The following RNF130 variants were observed in gnomAD, a reference collection of about 807,000 sequenced individuals.
The protein encoded by RNF130 is ring finger protein 130.
A neutral mutation model predicts 44.6 loss-of-function variants in RNF130; 21 were observed. That is an observed-to-expected ratio of 0.47 (90% confidence interval 0.33 to 0.68). RNF130 has a LOEUF of 0.68. Among genes scored for constraint, RNF130 ranks in the 30% least tolerant of loss-of-function variants. The probability of loss-of-function intolerance (pLI) is 0.02; values close to 1 mark genes in which losing one functional copy is unlikely to be tolerated. For missense variants in RNF130, 479 were observed against 560.6 expected (o/e 0.85, Z 1.47); for synonymous variants, 214 against 210.4 (o/e 1.02, Z -0.15).
At chr5:179,983,204 T>C (rs1762877899) in intron 3 of RNF130, among the ~76,000 whole-genome samples, 1 of 152,214 alleles carries the variant, frequency 6.6e-6, no homozygotes, top group African/African-American at 2.4e-5. Flanking sequence ...TCTAGTATCA[T>C]ATTAAGGAAG....
intron 3 of RNF130, among the ~76,000 whole-genome samples, chr5:180,002,371 G>A (rs1763363578): frequency 6.6e-6 from 1 of 152,210 alleles, no homozygotes; most frequent in African/African-American, 2.4e-5. Context: ...CTGTGCTGGG[G>A]TGGTTTGGTG....
chr5:179,991,860 G>T (rs1399939935), intron 3 of RNF130, among the ~76,000 whole-genome samples: 1 of 152,102 alleles, frequency 6.6e-6, no homozygotes, highest in East Asian at 1.9e-4. Context: ...GGTCCCATCT[G>T]GGAGAGATGG....
intron 2 of RNF130, among the ~76,000 whole-genome samples, chr5:180,036,609 G>A (rs1244298752): frequency 6.6e-6 from 1 of 152,172 alleles, no homozygotes; most frequent in Non-Finnish European, 1.5e-5. Flanking sequence ...TTAATATCCA[G>A]AACACTGAAA....
intron 2 of RNF130, 115 bp from the exon 3 acceptor site, chr5:180,013,426 G>T: frequency 1.1e-6 from 1 of 905,496 alleles, no homozygotes; most frequent in Non-Finnish European, 1.6e-6. Flanking sequence ...GAAAGGGTAT[G>T]CAAACTCCAC....
chr5:179,929,071 A>AT (rs1008952668), intron 7 of RNF130, among the ~76,000 whole-genome samples: 1 of 152,036 alleles, frequency 6.6e-6, no homozygotes, highest in African/African-American at 2.4e-5. Context: ...ATTTTATCTT[A>AT]TTTTTTAGAA....
chr5:180,045,483 T>C (rs1361822882), intron 1 of RNF130, among the ~76,000 whole-genome samples: 3 of 152,188 alleles, frequency 2.0e-5, no homozygotes, highest in African/African-American at 4.8e-5. Flanking sequence ...GCAAGATTTA[T>C]CTCAAACAGG....
In RNF130 at chr5:180,010,027, C is replaced by G. The variant is rs574992778; in HGVS notation, c.693+3034G>C. On this transcript the variant is annotated intron_variant, in intron 3 of 8. Transcript: ENST00000521389. ...CTTTGGGAGGCTGAGGTGGGCGGAT[C>G]ACAAGGTCAGGAGATCGAGACCATC... 7.2e-5 allele frequency among the ~76,000 whole-genome samples: 11 copies of G among 152,166 alleles called. No homozygotes were observed. The South Asian group carries it at 2.3e-3, about 32-fold the overall frequency.
chr5:180,052,350 A>G (rs1181825475), intron 1 of RNF130, among the ~76,000 whole-genome samples: 1 of 152,194 alleles, frequency 6.6e-6, no homozygotes, highest in Admixed American at 6.5e-5. Context: ...TCTGGCTAAC[A>G]GCATCATCTA....
At chr5:179,970,282 T>A (rs1334404703) in intron 6 of RNF130, 128 bp downstream of exon 6, 1 of 631,028 alleles carries the variant, frequency 1.6e-6, no homozygotes, top group African/African-American at 1.8e-5. Context: ...CATGGTTACA[T>A]GGCAAATATA....
exon 8 of RNF130, chr5:179,916,606 A>AG (rs1308692208): frequency 5.9e-5 from 9 of 152,238 alleles, no homozygotes; most frequent in African/African-American, 2.2e-4. Context: ...TCAGTGCTCA[A>AG]GGCAGTGCCT....
intron 3 of RNF130, among the ~76,000 whole-genome samples, chr5:179,989,641 G>C (rs1434748754): frequency 6.6e-6 from 1 of 152,024 alleles, no homozygotes; most frequent in South Asian, 2.1e-4. Flanking sequence ...TGTGTGTCTA[G>C]GTATCACACA....
At chr5:180,023,705 G>A (rs1263532406) in intron 2 of RNF130, among the ~76,000 whole-genome samples, 1 of 152,148 alleles carries the variant, frequency 6.6e-6, no homozygotes, top group Admixed American at 6.5e-5. Flanking sequence ...GGTCCATAAT[G>A]ATATAAATAA....
chr5:180,020,150 G>A (rs1462769085), intron 2 of RNF130, among the ~76,000 whole-genome samples: 1 of 152,148 alleles, frequency 6.6e-6, no homozygotes, highest in African/African-American at 2.4e-5. Context: ...AGATGATGAG[G>A]CCCAGGGAGC....
chr5:180,062,906 A>T (rs1765019997), intron 1 of RNF130, among the ~76,000 whole-genome samples: 1 of 152,196 alleles, frequency 6.6e-6, no homozygotes, highest in Admixed American at 6.5e-5. Context: ...AAGTTCCACT[A>T]ATATAGCAAA....
rs558884180 is a variant in RNF130 at position 179,925,512 on chromosome 5, T to TATTC, written c.1151-5087_1151-5086insGAAT. On this transcript the variant is annotated intron_variant, in intron 7 of 7. Coordinates refer to the RNF130 transcript ENST00000522208. ...GCTGGGTTTCTTCTGTTTTTTCATT[T>TATTC]ATTTATTTATTTATTTTATTATTTT... 2.7e-4 allele frequency among the ~76,000 whole-genome samples: 41 copies of TATTC among 151,428 alleles called. 1 individual carries two copies. In the South Asian group the frequency reaches 8.5e-3, roughly 31 times the overall value.
At chr5:179,916,060 T>C (rs1012922211) in exon 8 of RNF130, 4 of 152,152 alleles carry the variant, frequency 2.6e-5, no homozygotes, top group African/African-American at 9.7e-5. Context: ...CTAAAATCAG[T>C]GTTTTTGTTT....
intron 7 of RNF130, among the ~76,000 whole-genome samples, chr5:179,927,116 C>T (rs1761718516): frequency 6.6e-6 from 1 of 152,120 alleles, no homozygotes; most frequent in South Asian, 2.1e-4. Flanking sequence ...TCAGCTGATA[C>T]CAAATCTTTG....
chr5:179,982,066 C>T (rs1762852694), intron 3 of RNF130, among the ~76,000 whole-genome samples: 1 of 152,004 alleles, frequency 6.6e-6, no homozygotes, highest in Non-Finnish European at 1.5e-5. Flanking sequence ...TCCCTCCTCC[C>T]GCCACCCCAT....
chr5:180,018,387 A>C (rs1272268227), intron 2 of RNF130, among the ~76,000 whole-genome samples: 1 of 152,192 alleles, frequency 6.6e-6, no homozygotes, highest in Non-Finnish European at 1.5e-5. Flanking sequence ...GAAACTTACA[A>C]TCATGGCAGA....
Sources: gnomAD v4.1 joint callset for allele counts (sites outside exome capture counted in the v4.1 genomes callset) on GRCh38, gnomAD v4.1.1 for gene constraint, MANE v1.5 for transcripts, NCBI Gene and HGNC (gene_info 2026-07-23, HGNC 2026-07-21) for gene names.